CTNS: variants seen among roughly 807,000 people sequenced by gnomAD.
CTNS encodes the protein cystinosin, lysosomal cystine transporter, also known as cystinosin.
CTNS carries 27 observed loss-of-function variants against 43.7 expected under a neutral mutation model. The ratio of observed to expected loss-of-function variants is 0.62; its 90% CI spans 0.46 to 0.85. The LOEUF (loss-of-function observed/expected upper bound fraction) is 0.85, where lower values mean the gene tolerates loss of function less well. Among genes scored for constraint, CTNS ranks in the 40% least tolerant of loss-of-function variants. CTNS has a pLI of 0.00. For missense variants in CTNS, 457 were observed against 475.4 expected (o/e 0.96, Z 0.36); for synonymous variants, 187 against 190.6 (o/e 0.98, Z 0.16).
chr17:3,648,732 A>C (rs1314183594), intron 4 of CTNS, 115 bp from the exon 5 acceptor site: 2 of 879,364 alleles, frequency 2.3e-6, no homozygotes, highest in South Asian at 2.7e-5. Flanking sequence ...TGGAGCACCT[A>C]GCATTTCCTA....
intron 3 of CTNS, among the ~76,000 whole-genome samples, chr17:3,642,143 G>A (rs960032680): frequency 0.025 from 111 of 4,526 alleles, no homozygotes; most frequent in Non-Finnish European, 0.022. Context: ...GTGCCCGGGC[G>A]TGTGTGTGTG....
At position 3,659,886 on chromosome 17, in the gene CTNS, C is replaced by T. The variant is rs1341927053; in HGVS notation, c.881C>T (p.Thr294Ile). 1 of 1,613,974 alleles carries T rather than the reference C, an allele frequency of 6.2e-7. No individual in the cohort carries two copies. The highest frequency in any genetic ancestry group is 2.2e-5 in the East Asian group (1 of 44,890). ...QAYMNFYYKS[T>I]EGWSIGNVLL... ...TACATGAACTTTTACTACAAAAGCA[C>T]TGAGGGCTGGAGCATTGGCAACGTG... The change falls in exon 11 of 12, where the codon ACT becomes ATT. Residue 294 changes from threonine (T) to isoleucine (I), a missense_variant. Thr to Ile is a moderately conservative substitution (Grantham distance 89). Transcript: ENST00000046640.
At chr17:3,650,452 A>AACACTCAGGCTGGAGG in intron 5 of CTNS, 2 of 1,155,242 alleles carry the variant, frequency 1.7e-6, no homozygotes, top group Non-Finnish European at 2.4e-6. Context: ...ACTGCCCTCC[A>AACACTCAGGCTGGAGG]GCCTGAGTGT....
rs771666360 is a variant in CTNS at position 3,660,568 on chromosome 17, C to G, written c.*199C>G. 1 of 1,613,110 alleles carries G rather than the reference C, an allele frequency of 6.2e-7. No homozygotes were observed. The highest frequency in any genetic ancestry group is 1.1e-5 in the South Asian group (1 of 91,072). On this transcript the variant is annotated 3_prime_UTR_variant, in exon 12 of 12. Transcript: ENST00000046640. Reference sequence around the variant, plus strand: ...CCGGGCCCCTCCTGGGCCTCCCCGGCCAGGCACGTGGCACCGTCGCCTTGA... The same window carrying G: ...CCGGGCCCCTCCTGGGCCTCCCCGGGCAGGCACGTGGCACCGTCGCCTTGA...
chr17:3,654,015 C>G (rs1377246093), intron 5 of CTNS, among the ~76,000 whole-genome samples: 1 of 152,214 alleles, frequency 6.6e-6, no homozygotes, highest in African/African-American at 2.4e-5. Context: ...TGCCAAGTGC[C>G]TCATGTATGT....
intron 5 of CTNS, among the ~76,000 whole-genome samples, chr17:3,650,858 A>T (rs1315413949): frequency 6.6e-6 from 1 of 152,166 alleles, no homozygotes. Context: ...GTTGGAGTAA[A>T]GTGGCGCAAT....
At chr17:3,637,481 T>G (rs2075560038) in intron 2 of CTNS, among the ~76,000 whole-genome samples, 165 bp downstream of exon 2, 1 of 136,396 alleles carries the variant, frequency 7.3e-6, no homozygotes, top group African/African-American at 2.8e-5. Context: ...TTTTTTTTTT[T>G]GAGATGGAGT....
intron 4 of CTNS, 23 bp from the exon 5 acceptor site, chr17:3,648,823 TA>T: frequency 6.3e-7 from 1 of 1,584,492 alleles, no homozygotes; most frequent in South Asian, 1.1e-5. Context: ...TTCTCAGCAG[TA>T]ATTAGACTCT....
chr17:3,644,340 G>A (rs879929574), intron 3 of CTNS, among the ~76,000 whole-genome samples: 4 of 152,200 alleles, frequency 2.6e-5, no homozygotes, highest in Admixed American at 1.3e-4. Flanking sequence ...ATGGAACTGC[G>A]TGACTTTGGA....
intron 11 of CTNS, 29 bp downstream of exon 11, chr17:3,660,004 C>A (rs371063750): frequency 1.5e-5 from 24 of 1,582,256 alleles, no homozygotes; most frequent in Non-Finnish European, 2.1e-5. Context: ...TGCTGGCCAC[C>A]CTGCGGCTGG....
intron 3 of CTNS, among the ~76,000 whole-genome samples, chr17:3,645,132 G>A (rs902733371): frequency 1.3e-5 from 2 of 152,228 alleles, no homozygotes; most frequent in African/African-American, 4.8e-5. Context: ...TCCCAGCTAT[G>A]CAAGCCCAGA....
chr17:3,656,820 A>C, intron 9 of CTNS, 25 bp downstream of exon 9: 1 of 1,612,112 alleles, frequency 6.2e-7, no homozygotes, highest in Non-Finnish European at 8.5e-7. Context: ...GGCCCCCCAC[A>C]GGCCACCCCA....
intron 5 of CTNS, among the ~76,000 whole-genome samples, chr17:3,654,222 C>T (rs1290338415): frequency 6.6e-6 from 1 of 152,176 alleles, no homozygotes. Flanking sequence ...GAAGGGTAGA[C>T]ACTTTTGTTA....
rs1191372500 is a variant in CTNS, at chr17:3,651,704, G to GCT, written c.225+2773_225+2774insCT. Among the ~76,000 whole-genome samples the GCT allele has an allele frequency of 7.8e-3, 1,182 of 151,924 alleles. 12 individuals are homozygous for GCT. The highest frequency in any genetic ancestry group is 0.027 in the African/African-American group (1,123 of 41,466). ...CAACAGTGAGAGGCTGGGCACCGTG[G>GCT]GATTACATCTGTAATCCCAGCACTT... On this transcript the variant is annotated intron_variant, in intron 5 of 11. Transcript: ENST00000046640.
chr17:3,639,347 A>T (rs2075623670), intron 2 of CTNS, among the ~76,000 whole-genome samples: 1 of 152,110 alleles, frequency 6.6e-6, no homozygotes, highest in East Asian at 1.9e-4. Flanking sequence ...GAATGACCCC[A>T]GCCAGTCCTG....
chr17:3,660,415 G>A lies in CTNS; in HGVS notation c.*46G>A, dbSNP rs2076258127. 6.2e-7 allele frequency: 1 copy of A among 1,613,866 alleles called. No homozygotes were observed. Among genetic ancestry groups the A allele is most frequent in the South Asian group, 1.1e-5 (1 of 91,038 alleles). ...CCAGCCTCTGGCCTCGTGCCCTGCT[G>A]GGGAAGGCCTCACCCAGCGAAGGCC... On this transcript the variant is annotated 3_prime_UTR_variant, in exon 12 of 12. Coordinates refer to ENST00000046640, the MANE Select transcript of CTNS (RefSeq NM_004937.3).
At chr17:3,641,239 C>T (rs1244693205) in intron 3 of CTNS, among the ~76,000 whole-genome samples, 1 of 151,378 alleles carries the variant, frequency 6.6e-6, no homozygotes, top group Non-Finnish European at 1.5e-5. Flanking sequence ...GCAATTCTCC[C>T]ACTGCCCAAA....
intron 5 of CTNS, chr17:3,650,304 G>A: frequency 1.3e-6 from 2 of 1,549,556 alleles, no homozygotes; most frequent in Middle Eastern, 1.8e-4. Context: ...TCTCCAGCAT[G>A]TGGGAACCTG....
intron 9 of CTNS, chr17:3,657,066 T>TGAGCCCTG (rs2076166714): frequency 2.0e-5 from 10 of 489,728 alleles, no homozygotes; most frequent in South Asian, 2.0e-4. Context: ...TGCAAGGCCC[T>TGAGCCCTG]GAGCCCTGCC....
Sources: allele counts gnomAD v4.1 joint callset (sites outside exome capture counted in the v4.1 genomes callset), GRCh38; gene constraint gnomAD v4.1.1; transcripts MANE v1.5; gene names NCBI Gene and HGNC (gene_info 2026-07-23, HGNC 2026-07-21).